Variants in TMEM67 observed in about 807,000 individuals in gnomAD.
TMEM67 encodes transmembrane protein 67, also known as meckelin.
In TMEM67, 124 loss-of-function variants were observed where a neutral mutation model predicts 136.6. The ratio of observed to expected loss-of-function variants is 0.91; its 90% CI spans 0.78 to 1.05. The LOEUF (loss-of-function observed/expected upper bound fraction) is 1.05, where lower values mean the gene tolerates loss of function less well. Ranked by LOEUF, TMEM67 falls within the 50% of genes least tolerant of loss-of-function variation. The pLI is 0.00. For synonymous variants in TMEM67, 364 were observed against 390.5 expected, an observed-to-expected ratio of 0.93 and a Z score of 0.80; for missense variants, 1,107 against 1,178.4, an observed-to-expected ratio of 0.94 and a Z score of 0.89.
intron 25 of TMEM67, among the ~76,000 whole-genome samples, chr8:93,809,528 T>G (rs745920503): frequency 1.3e-4 from 20 of 152,216 alleles, no homozygotes; most frequent in Non-Finnish European, 2.8e-4. Flanking sequence ...ATGCTATGAT[T>G]GTATTTCTAA....
At chr8:93,812,554 T>TC (rs1808742741) in intron 26 of TMEM67, among the ~76,000 whole-genome samples, 1 of 152,184 alleles carries the variant, frequency 6.6e-6, no homozygotes, top group Non-Finnish European at 1.5e-5. Context: ...AAAACCTGAC[T>TC]CTACCATTTA....
At chr8:93,826,728 A>T in the TMEM67 span, among the ~76,000 whole-genome samples, 2,790 of 152,300 alleles carry the variant, frequency 0.018, 86 homozygotes, top group African/African-American at 0.061. Context: ...ACCTTCTACA[A>T]GTAAATGCTG....
chr8:93,797,171 C>T lies in TMEM67; in HGVS notation c.1898C>T (p.Thr633Ile). The change falls in exon 19 of 28, where the codon ACA (threonine) becomes ATA (isoleucine). Residue 633 changes from threonine to isoleucine, a missense_variant. Thr to Ile is a moderately conservative substitution (Grantham distance 89, BLOSUM62 -1). This residue lies in a region of TMEM67 where 925 missense variants were observed against 1,002.4 expected (regional missense o/e 0.92). Coordinates refer to ENST00000453321, the MANE Select transcript of TMEM67 (RefSeq NM_153704.6). Reference protein sequence around the residue: ...QFLHKLISQITIDVFFIDWER... With the variant: ...QFLHKLISQIIIDVFFIDWER... ...TTGCATAAGCTCATATCCCAGATTA[C>T]AATAGATGTATTCTTTATTGATTGG... 1 of 1,612,756 alleles carries T rather than the reference C, an allele frequency of 6.2e-7. No individual in the cohort carries two copies. The highest frequency in any genetic ancestry group is 8.5e-7 in the Non-Finnish European group (1 of 1,178,896).
intron 9 of TMEM67, 114 bp from the exon 10 acceptor site, chr8:93,781,544 T>A: frequency 1.9e-6 from 1 of 539,238 alleles, no homozygotes. Flanking sequence ...AAAATAAAGA[T>A]AATTGAATGT....
Position 93,786,280 on chromosome 8 carries a change from G to T in TMEM67, c.1346G>T (p.Ser449Ile). The T allele has an allele frequency of 6.2e-7, 1 of 1,614,044 alleles. No individual in the cohort carries two copies. The highest frequency in any genetic ancestry group is 8.5e-7 in the Non-Finnish European group (1 of 1,179,916). The change falls in exon 13 of 28, where the codon AGT becomes ATT. Residue 449 changes from serine (S) to isoleucine (I), a missense_variant. This residue lies in a region of TMEM67 where 925 missense variants were observed against 1,002.4 expected (regional missense o/e 0.92). Transcript: ENST00000453321. ...TRRIFLVDAV[S>I]GRENDLGTQP... ...CGCATTTTCTTAGTGGATGCAGTAA[G>T]TGGACGAGAAAATGACTTAGGAACT... is the stretch of plus-strand genomic sequence containing the variant.
chr8:93,794,518 CACTT>C (rs1814521221), intron 16 of TMEM67, among the ~76,000 whole-genome samples: 1 of 152,164 alleles, frequency 6.6e-6, no homozygotes, highest in Non-Finnish European at 1.5e-5. Context: ...ATTTTCTACT[CACTT>C]GATTTTTGCA....
intron 4 of TMEM67, among the ~76,000 whole-genome samples, chr8:93,764,653 T>C: frequency 6.6e-6 from 1 of 152,208 alleles, no homozygotes; most frequent in Non-Finnish European, 1.5e-5. Flanking sequence ...CCAAGTTTAA[T>C]ATGGAAAATA....
Position 93,754,966 on chromosome 8 carries a change from T to C in TMEM67, c.52T>C (p.Ser18Pro), listed in dbSNP as rs1812497485. Reference sequence around the variant, plus strand: ...GGCAATGGCGGTTTGGTCCCTCTTATCCGCCCGGGCCGTGACCGCGTTCCT... The same window carrying C: ...GGCAATGGCGGTTTGGTCCCTCTTACCCGCCCGGGCCGTGACCGCGTTCCT... ...GVAMAVWSLLSARAVTAFLLL... is the reference protein window; with the variant it reads ...GVAMAVWSLLPARAVTAFLLL... The change falls in exon 1 of 28, where the codon TCC becomes CCC. Residue 18 changes from serine to proline, a missense_variant. Physicochemically the swap from Ser to Pro is moderately conservative, Grantham distance 74. Coordinates refer to ENST00000453321, the MANE Select transcript of TMEM67 (RefSeq NM_153704.6). 5 of 1,614,152 alleles carry C rather than the reference T, an allele frequency of 3.1e-6. No homozygotes were observed. The highest frequency in any genetic ancestry group is 2.5e-6 in the Non-Finnish European group (3 of 1,180,022).
chr8:93,792,388 G>T (rs529789482), intron 15 of TMEM67, among the ~76,000 whole-genome samples: 312 of 152,054 alleles, frequency 2.1e-3, no homozygotes, highest in African/African-American at 7.3e-3. Flanking sequence ...TGGCCAGACT[G>T]GTCTCGAACT....
the TMEM67 span, among the ~76,000 whole-genome samples, chr8:93,826,628 C>T: frequency 6.6e-6 from 1 of 152,116 alleles, no homozygotes; most frequent in African/African-American, 2.4e-5. Context: ...TTGGCTAAAT[C>T]AATTACACTT....
intron 9 of TMEM67, 26 bp downstream of exon 9, chr8:93,781,008 G>A (rs544023650): frequency 7.7e-7 from 1 of 1,297,084 alleles, no homozygotes; most frequent in East Asian, 2.3e-5. Flanking sequence ...ATCATTAGAG[G>A]ATAACTACAT....
At chr8:93,789,245 A>G (rs1324633248) in intron 14 of TMEM67, among the ~76,000 whole-genome samples, 1 of 152,190 alleles carries the variant, frequency 6.6e-6, no homozygotes, top group East Asian at 1.9e-4. Context: ...AAGCAAAAAT[A>G]CACATGTAGT....
chr8:93,812,089 T>C (rs139650659), intron 26 of TMEM67, among the ~76,000 whole-genome samples: 2,733 of 147,970 alleles, frequency 0.018, 84 homozygotes, highest in African/African-American at 0.062. Flanking sequence ...GCGGAGGTTG[T>C]GGTGAGCTGA....
At chr8:93,815,274 C>A in intron 26 of TMEM67, 31 bp from the exon 27 acceptor site, 1 of 1,427,572 alleles carries the variant, frequency 7.0e-7, no homozygotes, top group Middle Eastern at 2.4e-4. Context: ...TTTTAAATTT[C>A]TAATTTATAT....
chr8:93,804,310 C>CTTTTCTTTTTTTTTTTTTTTTTTT (rs1472226283), intron 22 of TMEM67, among the ~76,000 whole-genome samples: 1 of 93,810 alleles, frequency 1.1e-5, no homozygotes. Context: ...CTTTTCTTTT[C>CTTTTCTTTTTTTTTTTTTTTTTTT]TTTTTTTTTT....
intron 7 of TMEM67, among the ~76,000 whole-genome samples, chr8:93,780,046 C>T (rs3134026): frequency 1.7e-3 from 264 of 152,190 alleles, no homozygotes; most frequent in African/African-American, 5.6e-3. Context: ...GGAGCTTCCC[C>T]GGCTGCTTTG....
rs1381605685 is a variant in TMEM67, at chr8:93,817,841, C to CA, written c.*1390dup. On this transcript the variant is annotated 3_prime_UTR_variant, in exon 28 of 28. Coordinates refer to ENST00000453321, the MANE Select transcript of TMEM67 (RefSeq NM_153704.6). ...CTGCAGTTTCTGAAGGATCACAGTA[C>CA]AGGAATGCCTTTATAAAAGCTGCAG... The CA allele has an allele frequency of 6.6e-6, 1 of 152,102 alleles. No individual in the cohort carries two copies. Among genetic ancestry groups the CA allele is most frequent in the African/African-American group, 2.4e-5 (1 of 41,398 alleles). 9.4% of individuals were successfully genotyped at this position (152,102 alleles called of 1,614,324 possible). A position where few individuals can be genotyped will look rare whatever the true frequency, so the allele number is the denominator to read the frequency against.
At chr8:93,827,780 A>G in the TMEM67 span, among the ~76,000 whole-genome samples, 6 of 148,236 alleles carry the variant, frequency 4.0e-5, no homozygotes, top group East Asian at 9.9e-4. Context: ...TTTTTTTACT[A>G]TGGAACACTG....
intron 10 of TMEM67, 61 bp downstream of exon 10, chr8:93,781,805 A>T (rs960913627): frequency 3.6e-5 from 34 of 956,376 alleles, no homozygotes; most frequent in Non-Finnish European, 5.4e-5. Context: ...AGACAAAGCC[A>T]AGAGGAAAAG....
Sources: allele counts gnomAD v4.1 joint callset (sites outside exome capture counted in the v4.1 genomes callset), GRCh38; gene constraint gnomAD v4.1.1; regional missense constraint gnomAD v4.1.1; transcripts MANE v1.5; gene names NCBI Gene and HGNC (gene_info 2026-07-23, HGNC 2026-07-21).